Variants in TUBB observed in about 807,000 individuals in gnomAD.
The protein encoded by TUBB is tubulin beta class I.
TUBB carries 2 observed loss-of-function variants against 35.1 expected under a neutral mutation model. The ratio of observed to expected loss-of-function variants is 0.06; its 90% CI spans 0.02 to 0.18. The LOEUF (loss-of-function observed/expected upper bound fraction) is 0.18, where lower values mean the gene tolerates loss of function less well. Ranked by LOEUF, TUBB falls within the 10% of genes least tolerant of loss-of-function variation. The probability of loss-of-function intolerance (pLI) is 1.00; values close to 1 mark genes in which losing one functional copy is unlikely to be tolerated. For missense variants in TUBB, 50 were observed against 599.4 expected (o/e 0.08, Z 9.57); for synonymous variants, 205 against 223.8 (o/e 0.92, Z 0.75).
intron 1 of TUBB, 148 bp from the exon 2 acceptor site, chr6:30,722,389 G>C: frequency 1.6e-6 from 1 of 622,422 alleles, no homozygotes; most frequent in South Asian, 1.9e-5. Flanking sequence ...GTTGCAGTGA[G>C]CCGAGATAGC....
rs1249980870 is a variant in TUBB, at chr6:30,724,996, T to TTG, written c.*599_*600insTG. The TTG allele has an allele frequency of 6.5e-6, 1 of 152,806 alleles. No homozygotes were observed. The highest frequency in any genetic ancestry group is 1.5e-5 in the Non-Finnish European group (1 of 68,562). The allele number at this position is 152,806 out of a possible 1,614,324, so 9.5% of individuals were successfully genotyped here. A position where few individuals can be genotyped will look rare whatever the true frequency, so the allele number is the denominator to read the frequency against. ...TCTACTCTGGAGGAGTCTGTCCCAC[T>TTG]CTGTCAAGTGGAATCCTTCCCTTTC... is the stretch of plus-strand genomic sequence containing the variant. On this transcript the variant is annotated 3_prime_UTR_variant, in exon 4 of 4. Coordinates refer to ENST00000327892, the MANE Select transcript of TUBB (RefSeq NM_178014.4). The surrounding 1 kb of genome is among the most constrained non-coding windows in gnomAD (Gnocchi z 4.4).
In TUBB at chr6:30,721,187, T is replaced by C. The variant is rs182829073; in HGVS notation, c.57+624T>C. Reference sequence around the variant, plus strand: ...CTTTCATGGCCCCTAAGAGAGACTTTTTTAGGGCGTGAACAGATATGTCGA... The same window carrying C: ...CTTTCATGGCCCCTAAGAGAGACTTCTTTAGGGCGTGAACAGATATGTCGA... On this transcript the variant is annotated intron_variant, in intron 1 of 3. Coordinates refer to ENST00000327892, the MANE Select transcript of TUBB (RefSeq NM_178014.4). Among the ~76,000 whole-genome samples, 5 of 152,308 alleles carry C rather than the reference T, an allele frequency of 3.3e-5. No homozygotes were observed. The South Asian group carries it at 8.3e-4, about 25-fold the overall frequency.
intron 1 of TUBB, among the ~76,000 whole-genome samples, chr6:30,721,293 G>A (rs1776211364): frequency 6.6e-6 from 1 of 151,418 alleles, no homozygotes; most frequent in Non-Finnish European, 1.5e-5. Flanking sequence ...TCAAGGGGTA[G>A]AAATGTAGCG....
intron 2 of TUBB, 29 bp from the exon 3 acceptor site, chr6:30,722,889 T>A: frequency 6.3e-7 from 1 of 1,576,224 alleles, no homozygotes; most frequent in South Asian, 1.1e-5. Context: ...TCTGCCAGAT[T>A]TCACAGCTCT....
intron 1 of TUBB, 24 bp from the exon 2 acceptor site, chr6:30,722,513 G>A (rs1251338372): frequency 6.5e-7 from 1 of 1,548,970 alleles, no homozygotes; most frequent in East Asian, 2.2e-5. Flanking sequence ...GACCTGTTGT[G>A]GTCTCGTTGC....
At position 30,720,410 on chromosome 6, in the gene TUBB, T is replaced by G. The variant is rs897906525; in HGVS notation, c.-97T>G. On this transcript the variant is annotated 5_prime_UTR_variant, in exon 1 of 4. Transcript: ENST00000327892. ...TCGCTGCTCCAGCCTCTGGGGCGCA[T>G]TCCAACCTTCCAGCCTGCGACCTGC... 3 of 1,254,698 alleles carry G rather than the reference T, an allele frequency of 2.4e-6. No individual in the cohort carries two copies. Among genetic ancestry groups the G allele is most frequent in the African/African-American group, 3.0e-5 (2 of 67,124 alleles). 77.7% of individuals were successfully genotyped at this position (1,254,698 alleles called of 1,614,324 possible).
Position 30,722,574 on chromosome 6 carries a change from C to T in TUBB, c.95C>T (p.Pro32Leu), listed in dbSNP as rs750422206. 6.2e-7 allele frequency: 1 copy of T among 1,614,144 alleles called. No individual in the cohort carries two copies. Among genetic ancestry groups the T allele is most frequent in the Non-Finnish European group, 8.5e-7 (1 of 1,180,040 alleles). ...EVISDEHGID[P>L]TGTYHGDSDL... ...ATCAGTGATGAACATGGCATCGACCCCACCGGCACCTACCACGGGGACAGC... is the reference window on the plus strand; with the variant it reads ...ATCAGTGATGAACATGGCATCGACCTCACCGGCACCTACCACGGGGACAGC... Residue 32 changes from proline to leucine, a missense_variant, in exon 2 of 4, where the codon CCC becomes CTC. Coordinates refer to ENST00000327892, the MANE Select transcript of TUBB (RefSeq NM_178014.4).
At chr6:30,721,533 C>A (rs537739487) in intron 1 of TUBB, 2 of 984,916 alleles carry the variant, frequency 2.0e-6, no homozygotes, top group African/African-American at 3.5e-5. Context: ...TTGTCCCTGG[C>A]CCCGCCCACG....
chr6:30,723,638 G>A lies in TUBB; in HGVS notation c.576G>A (p.Leu192=), dbSNP rs1344431628. The A allele has an allele frequency of 8.1e-6, 13 of 1,614,102 alleles. No homozygotes were observed. Among genetic ancestry groups the A allele is most frequent in the Non-Finnish European group, 1.1e-5 (13 of 1,180,052 alleles). The part of the protein sequence containing the change: ...PYNATLSVHQ[L]VENTDETYCI... ...ATGCCACCCTCTCCGTCCATCAGTTGGTAGAGAATACTGATGAGACCTATT... is the reference window on the plus strand; with the variant it reads ...ATGCCACCCTCTCCGTCCATCAGTTAGTAGAGAATACTGATGAGACCTATT... The change falls in exon 4 of 4, where the codon TTG becomes TTA. Residue 192 remains leucine (L), a synonymous_variant. Transcript: ENST00000327892.
intron 1 of TUBB, chr6:30,721,956 C>G: frequency 1.1e-6 from 1 of 917,612 alleles, no homozygotes; most frequent in Non-Finnish European, 1.3e-6. Flanking sequence ...GGCAACAAAG[C>G]GAGACCCTCC....
At position 30,720,467 on chromosome 6, in the gene TUBB, A is replaced by C. The variant is rs1776141690; in HGVS notation, c.-40A>C. On this transcript the variant is annotated 5_prime_UTR_variant, in exon 1 of 4. Coordinates refer to ENST00000327892, the MANE Select transcript of TUBB (RefSeq NM_178014.4). ...AAAAAATTACTTATTTTCTTGCCCCATACATACCTTGAGGCGAGCAAAAAA... is the reference window on the plus strand; with the variant it reads ...AAAAAATTACTTATTTTCTTGCCCCCTACATACCTTGAGGCGAGCAAAAAA... The C allele has an allele frequency of 6.2e-7, 1 of 1,608,700 alleles. No homozygotes were observed. Among genetic ancestry groups the C allele is most frequent in the Admixed American group, 1.7e-5 (1 of 60,000 alleles).
At position 30,724,886 on chromosome 6, in the gene TUBB, TA is replaced by T. The variant is rs1483674216; in HGVS notation, c.*492del. On this transcript the variant is annotated 3_prime_UTR_variant, in exon 4 of 4. Transcript: ENST00000327892. This position sits in a 1 kb window ranked among gnomAD's most constrained non-coding sequence, Gnocchi z 4.4. ...GGGAAATCCAGGCTATTAAAGTCAC[TA>T]AATTTCTAAGTATGTCCATTTCCCA... is the stretch of plus-strand genomic sequence containing the variant. 1.9e-5 allele frequency: 3 copies of T among 158,550 alleles called. No individual in the cohort carries two copies. The East Asian group carries it at 5.7e-4, about 30-fold the overall frequency. The allele number at this position is 158,550 out of a possible 1,614,324, so 9.8% of individuals were successfully genotyped here.
intron 1 of TUBB, chr6:30,721,655 T>C: frequency 6.1e-6 from 6 of 985,384 alleles, no homozygotes; most frequent in Non-Finnish European, 7.2e-6. Flanking sequence ...CAGCCTTTTG[T>C]GCGCCGCGCG....
chr6:30,722,304 G>T, intron 1 of TUBB: 1 of 506,266 alleles, frequency 2.0e-6, no homozygotes, highest in Non-Finnish European at 3.6e-6. Context: ...GTAGCTGGGC[G>T]TGTTGGTGCG....
In TUBB at chr6:30,723,192, G is replaced by C. The variant is rs879670612; in HGVS notation, c.278-148G>C. 5.5e-6 allele frequency: 5 copies of C among 912,296 alleles called. No individual in the cohort carries two copies. In the South Asian group the frequency reaches 6.7e-5, roughly 12 times the overall value. The allele number at this position is 912,296 out of a possible 1,614,324, so 56.5% of individuals were successfully genotyped here. ...GTAGAGGTAGTGCCTACTATTGCTG[G>C]TAAATTATGGGGCAGTAGGGGGAGA... On this transcript the variant is annotated intron_variant, in intron 3 of 3. Transcript: ENST00000327892.
In TUBB at chr6:30,724,043, T is replaced by C. The variant is rs778934150; in HGVS notation, c.981T>C (p.Asp327=). The C allele has an allele frequency of 1.9e-6, 3 of 1,614,146 alleles. No homozygotes were observed. The highest frequency in any genetic ancestry group is 3.3e-5 in the Admixed American group (2 of 60,012). The change falls in exon 4 of 4, where the codon GAT becomes GAC. Residue 327 remains aspartate, a synonymous_variant. Transcript: ENST00000327892. The surrounding 1 kb of genome is among the most constrained non-coding windows in gnomAD (Gnocchi z 4.4). ...FRGRMSMKEV[D]EQMLNVQNKN... ...GTCGGATGTCCATGAAGGAGGTCGATGAGCAGATGCTTAACGTGCAGAACA... is the reference window on the plus strand; with the variant it reads ...GTCGGATGTCCATGAAGGAGGTCGACGAGCAGATGCTTAACGTGCAGAACA...
At position 30,722,976 on chromosome 6, in the gene TUBB, T is replaced by C. The variant is rs1776394795; in HGVS notation, c.225T>C (p.Ser75=). The C allele has an allele frequency of 1.9e-6, 3 of 1,613,008 alleles. No homozygotes were observed. Among genetic ancestry groups the C allele is most frequent in the Non-Finnish European group, 2.5e-6 (3 of 1,179,866 alleles). ...LVDLEPGTMD[S]VRSGPFGQIF... ...ATCTAGAACCTGGGACCATGGACTC[T>C]GTTCGCTCAGGTCCTTTTGGCCAGA... The change falls in exon 3 of 4, where the codon TCT becomes TCC. Residue 75 remains serine (S), a synonymous_variant. Transcript: ENST00000327892.
intron 1 of TUBB, among the ~76,000 whole-genome samples, chr6:30,720,984 A>G (rs57928524): frequency 0.027 from 4,075 of 152,262 alleles, 104 homozygotes; most frequent in East Asian, 0.091. Context: ...GGGTGAGGCC[A>G]TCGGGCGGCT....
intron 1 of TUBB, 75 bp from the exon 2 acceptor site, chr6:30,722,462 T>A: frequency 2.9e-6 from 3 of 1,042,970 alleles, no homozygotes; most frequent in Non-Finnish European, 4.4e-6. Flanking sequence ...AAGAAAAAGA[T>A]GAAATAAAAT....
Sources: gnomAD v4.1 joint callset for allele counts (sites outside exome capture counted in the v4.1 genomes callset) on GRCh38, gnomAD v4.1.1 for gene constraint, Gnocchi (gnomAD v3.1) non-coding constraint, MANE v1.5 for transcripts, NCBI Gene and HGNC (gene_info 2026-07-23, HGNC 2026-07-21) for gene names.